SLC35D4: variants seen among roughly 807,000 people sequenced by gnomAD.
SLC35D4 encodes UDP-N-acetylglucosamine transporter SLC35D4.
chr18:23,252,878 G>T, the SLC35D4 span: 6 of 886,290 alleles, frequency 6.8e-6, no homozygotes, highest in East Asian at 2.5e-5. Flanking sequence ...TTTGGGAGTT[G>T]TAAGTTGGTC....
chr18:23,251,718 A>T, the SLC35D4 span, among the ~76,000 whole-genome samples: 1 of 152,230 alleles, frequency 6.6e-6, no homozygotes, highest in African/African-American at 2.4e-5. Flanking sequence ...GGTTACCATT[A>T]TATACATATG....
the SLC35D4 span, among the ~76,000 whole-genome samples, chr18:23,302,430 G>A: frequency 2.0e-5 from 3 of 152,304 alleles, no homozygotes; most frequent in South Asian, 4.2e-4. Context: ...GGCATCTAGC[G>A]AGTGGGGTTC....
the SLC35D4 span, chr18:23,371,377 G>T: frequency 6.9e-7 from 1 of 1,456,866 alleles, no homozygotes; most frequent in South Asian, 1.4e-5. Context: ...TTCCAGGTAT[G>T]AGCCACCGTG....
At chr18:23,256,949 C>T in the SLC35D4 span, among the ~76,000 whole-genome samples, 9 of 152,264 alleles carry the variant, frequency 5.9e-5, no homozygotes, top group Admixed American at 2.0e-4. Context: ...AATAGAGATA[C>T]GGAGCATGAA....
the SLC35D4 span, among the ~76,000 whole-genome samples, chr18:23,435,152 T>C: frequency 8.6e-5 from 13 of 151,332 alleles, no homozygotes; most frequent in East Asian, 5.8e-4. Flanking sequence ...AGTGAGCCTG[T>C]GTCTCAGAAA....
the SLC35D4 span, among the ~76,000 whole-genome samples, chr18:23,418,349 AATTATT>A: frequency 8.5e-3 from 1,214 of 142,576 alleles, 17 homozygotes; most frequent in East Asian, 0.03. Context: ...GAGAAGCCAA[AATTATT>A]ATTATTATTA....
At chr18:23,294,570 G>A in the SLC35D4 span, among the ~76,000 whole-genome samples, 1 of 152,120 alleles carries the variant, frequency 6.6e-6, no homozygotes, top group Non-Finnish European at 1.5e-5. Flanking sequence ...ACAGGCAGGG[G>A]GCAACATAGT....
chr18:23,313,150 A>G, the SLC35D4 span, among the ~76,000 whole-genome samples: 2 of 145,326 alleles, frequency 1.4e-5, no homozygotes, highest in Non-Finnish European at 3.0e-5. Context: ...AAAAAAAAAA[A>G]AAAAAAAGAA....
At chr18:23,297,959 A>G in the SLC35D4 span, 1 of 1,600,588 alleles carries the variant, frequency 6.2e-7, no homozygotes, top group East Asian at 2.2e-5. Context: ...CAGGTGTACA[A>G]GCTGTTCTCC....
chr18:23,429,142 G>A, the SLC35D4 span, among the ~76,000 whole-genome samples: 1 of 152,192 alleles, frequency 6.6e-6, no homozygotes, highest in Non-Finnish European at 1.5e-5. Flanking sequence ...GCATAGTGCT[G>A]TGATAAAATA....
At chr18:23,308,828 A>G in the SLC35D4 span, among the ~76,000 whole-genome samples, 1 of 151,188 alleles carries the variant, frequency 6.6e-6, no homozygotes, top group South Asian at 2.1e-4. Flanking sequence ...ATGGAAAGAC[A>G]CCCAAACACA....
At chr18:23,396,650 G>A in the SLC35D4 span, among the ~76,000 whole-genome samples, 4 of 152,154 alleles carry the variant, frequency 2.6e-5, no homozygotes, top group Admixed American at 6.5e-5. Context: ...TGCATGGCCC[G>A]TGTCTGTAGT....
the SLC35D4 span, among the ~76,000 whole-genome samples, chr18:23,417,521 G>A: frequency 6.6e-6 from 1 of 152,190 alleles, no homozygotes; most frequent in Non-Finnish European, 1.5e-5. Flanking sequence ...GCAAGTGGGA[G>A]GGGAGAATGG....
the SLC35D4 span, chr18:23,370,368 C>T: frequency 2.3e-4 from 244 of 1,067,706 alleles, 2 homozygotes; most frequent in Non-Finnish European, 3.2e-4. Context: ...CCCAAAAGCA[C>T]GACTGCTGGT....
At chr18:23,377,623 TG>T in the SLC35D4 span, 1 of 1,572,390 alleles carries the variant, frequency 6.4e-7, no homozygotes, top group South Asian at 1.3e-5. Flanking sequence ...TATGGCTTTT[TG>T]GGGGGAGGGC....
At chr18:23,370,394 T>C in the SLC35D4 span, 1 of 769,616 alleles carries the variant, frequency 1.3e-6, no homozygotes, top group Non-Finnish European at 2.1e-6. Context: ...TCCCTACGAG[T>C]GTCACACCCA....
the SLC35D4 span, among the ~76,000 whole-genome samples, chr18:23,290,730 G>A: frequency 6.6e-6 from 1 of 151,266 alleles, no homozygotes; most frequent in East Asian, 1.9e-4. Context: ...GGGTTCAAGC[G>A]ATTCTCCTGC....
chr18:23,408,723 T>G, the SLC35D4 span, among the ~76,000 whole-genome samples: 7 of 152,122 alleles, frequency 4.6e-5, no homozygotes, highest in Non-Finnish European at 7.4e-5. Context: ...CTAACTGCAT[T>G]AAAAAACACA....
chr18:23,401,999 C>T, the SLC35D4 span, among the ~76,000 whole-genome samples: 21 of 152,308 alleles, frequency 1.4e-4, no homozygotes, highest in African/African-American at 5.1e-4. Context: ...GACGTGGGAC[C>T]ACCTCCCAGG....
Sources: gnomAD v4.1 joint callset for allele counts (sites outside exome capture counted in the v4.1 genomes callset) on GRCh38, gnomAD v4.1.1 for gene constraint, MANE v1.5 for transcripts, NCBI Gene and HGNC (gene_info 2026-07-23, HGNC 2026-07-21) for gene names.